FHIT: variants seen among roughly 807,000 people sequenced by gnomAD.
FHIT encodes fragile histidine triad diadenosine triphosphatase.
FHIT carries 19 observed loss-of-function variants against 17.9 expected under a neutral mutation model. The ratio of observed to expected loss-of-function variants is 1.06; its 90% CI spans 0.74 to 1.56. The LOEUF (loss-of-function observed/expected upper bound fraction) is 1.56. FHIT is among the 40% of genes most tolerant of loss of function. The pLI, the probability that FHIT is intolerant of heterozygous loss-of-function variation, is 0.00. For missense variants in FHIT, 248 were observed against 189.2 expected, an observed-to-expected ratio of 1.31 and a Z score of -1.82; for synonymous variants, 81 against 69.7, an observed-to-expected ratio of 1.16 and a Z score of -0.81.
At chr3:59,787,372 C>T (rs549049075) in intron 8 of FHIT, among the ~76,000 whole-genome samples, 24 of 152,004 alleles carry the variant, frequency 1.6e-4, no homozygotes, top group African/African-American at 4.1e-4. Context: ...TTGGTTTTCA[C>T]GTACCCATAA....
chr3:59,950,114 C>T (rs988138858), intron 7 of FHIT, among the ~76,000 whole-genome samples: 1 of 152,162 alleles, frequency 6.6e-6, no homozygotes, highest in East Asian at 1.9e-4. Context: ...AATACTCCTC[C>T]CTGGCTCCCC....
intron 4 of FHIT, among the ~76,000 whole-genome samples, chr3:60,569,751 A>ATTTTT (rs1272456475): frequency 5.6e-4 from 39 of 69,754 alleles, no homozygotes; most frequent in African/African-American, 1.9e-3. Flanking sequence ...ATATATATAT[A>ATTTTT]TATATTTTTT....
At chr3:60,986,012 CT>C (rs1258333159) in intron 3 of FHIT, among the ~76,000 whole-genome samples, 1 of 152,186 alleles carries the variant, frequency 6.6e-6, no homozygotes, top group Non-Finnish European at 1.5e-5. Context: ...TAACGCTTAC[CT>C]CCTGTCTCCC....
intron 2 of FHIT, among the ~76,000 whole-genome samples, chr3:61,074,543 C>T (rs2034912286): frequency 6.6e-6 from 1 of 152,126 alleles, no homozygotes; most frequent in Non-Finnish European, 1.5e-5. Context: ...ATGCTGGAAG[C>T]TCTGACCCTA....
intron 7 of FHIT, among the ~76,000 whole-genome samples, chr3:59,954,206 A>C (rs76041214): frequency 3.4e-3 from 478 of 141,086 alleles, no homozygotes; most frequent in African/African-American, 0.012. Context: ...CATTTTTCAG[A>C]AGTTATTTTG....
chr3:60,772,610 T>TC (rs1246776338), intron 4 of FHIT, among the ~76,000 whole-genome samples: 7 of 151,788 alleles, frequency 4.6e-5, no homozygotes, highest in Non-Finnish European at 8.8e-5. Flanking sequence ...TAATAACCCT[T>TC]CCCCCCAACT....
intron 4 of FHIT, among the ~76,000 whole-genome samples, chr3:60,566,292 G>C (rs1171950088): frequency 6.6e-6 from 1 of 152,090 alleles, no homozygotes; most frequent in Admixed American, 6.6e-5. Flanking sequence ...TGGGATGCAA[G>C]GCTGGTTCAA....
At chr3:61,204,301 G>A (rs1308302503) in intron 1 of FHIT, among the ~76,000 whole-genome samples, 5 of 152,110 alleles carry the variant, frequency 3.3e-5, no homozygotes, top group Non-Finnish European at 7.4e-5. Context: ...ATATGGTAAT[G>A]ATCTGTTTCT....
intron 5 of FHIT, among the ~76,000 whole-genome samples, chr3:60,073,899 T>C (rs1380838796): frequency 6.6e-6 from 1 of 152,166 alleles, no homozygotes; most frequent in East Asian, 1.9e-4. Context: ...AACCCTGTAT[T>C]TCCCACTGAA....
intron 8 of FHIT, among the ~76,000 whole-genome samples, chr3:59,900,171 G>A (rs924243031): frequency 1.3e-5 from 2 of 152,146 alleles, no homozygotes; most frequent in African/African-American, 4.8e-5. Context: ...ACAGTCCTCT[G>A]AGGTAAAGGC....
intron 4 of FHIT, among the ~76,000 whole-genome samples, chr3:60,572,694 A>T (rs782600063): frequency 5.4e-4 from 82 of 152,162 alleles, no homozygotes; most frequent in Non-Finnish European, 9.3e-4. Flanking sequence ...AAAACAAAAA[A>T]ATATATGGTC....
chr3:61,231,486 C>G (rs1364892119), intron 1 of FHIT, among the ~76,000 whole-genome samples: 2 of 145,076 alleles, frequency 1.4e-5, no homozygotes, highest in African/African-American at 2.6e-5. Flanking sequence ...GAGTCTCGGT[C>G]TCTTACGGAA....
intron 8 of FHIT, among the ~76,000 whole-genome samples, chr3:59,835,169 C>T (rs1051869551): frequency 6.6e-6 from 1 of 152,144 alleles, no homozygotes; most frequent in South Asian, 2.1e-4. Context: ...CTTATATCAG[C>T]CTGGGCCAAA....
chr3:60,972,985 C>T (rs891543382), intron 3 of FHIT, among the ~76,000 whole-genome samples: 3 of 152,154 alleles, frequency 2.0e-5, no homozygotes, highest in African/African-American at 7.2e-5. Flanking sequence ...TTATCTGAAA[C>T]AGATTATAGC....
At chr3:59,781,590 C>T (rs1289647178) in intron 8 of FHIT, among the ~76,000 whole-genome samples, 1 of 152,104 alleles carries the variant, frequency 6.6e-6, no homozygotes, top group Non-Finnish European at 1.5e-5. Context: ...AATCCCTGGC[C>T]CAAGAGTTCA....
chr3:60,269,293 C>A (rs1294304217), intron 5 of FHIT, among the ~76,000 whole-genome samples: 3 of 152,142 alleles, frequency 2.0e-5, no homozygotes, highest in Admixed American at 6.5e-5. Context: ...TTATTGGGAA[C>A]CTTTGGTTGA....
chr3:60,353,597 AAAC>A (rs1699514894), intron 5 of FHIT, among the ~76,000 whole-genome samples: 1 of 152,194 alleles, frequency 6.6e-6, no homozygotes, highest in South Asian at 2.1e-4. Context: ...AGCCTTAATC[AAAC>A]AAAAAAGTGA....
chr3:61,196,295 A>G (rs1278224333), intron 2 of FHIT, among the ~76,000 whole-genome samples: 2 of 152,204 alleles, frequency 1.3e-5, no homozygotes, highest in Admixed American at 6.5e-5. Flanking sequence ...TATTTAAACA[A>G]TGTAGATACA....
chr3:61,155,707 G>A (rs943697057), intron 2 of FHIT, among the ~76,000 whole-genome samples: 1 of 152,142 alleles, frequency 6.6e-6, no homozygotes, highest in African/African-American at 2.4e-5. Context: ...GAAGGCCTGA[G>A]GTTGCTATTT....
Sources: gnomAD v4.1 joint callset for allele counts (sites outside exome capture counted in the v4.1 genomes callset) on GRCh38, gnomAD v4.1.1 for gene constraint, MANE v1.5 for transcripts, NCBI Gene and HGNC (gene_info 2026-07-23, HGNC 2026-07-21) for gene names.